Variants in SEMA3D observed in about 807,000 individuals in gnomAD.
SEMA3D encodes semaphorin-3D.
Under a neutral mutation model 100.1 loss-of-function variants are expected in SEMA3D, and 84 were observed. The ratio of observed to expected loss-of-function variants is 0.84; its 90% CI spans 0.70 to 1.01. The LOEUF (loss-of-function observed/expected upper bound fraction) is 1.01, where lower values mean the gene tolerates loss of function less well. Among genes scored for constraint, SEMA3D ranks in the 50% least tolerant of loss-of-function variants. The pLI is 0.00. For synonymous variants in SEMA3D, 312 were observed against 320.7 expected, an observed-to-expected ratio of 0.97 and a Z score of 0.29; for missense variants, 875 against 934.1, an observed-to-expected ratio of 0.94 and a Z score of 0.82.
chr7:85,139,750 T>A (rs1016064523), intron 2 of SEMA3D, among the ~76,000 whole-genome samples: 1 of 152,046 alleles, frequency 6.6e-6, no homozygotes, highest in Non-Finnish European at 1.5e-5. Context: ...TTCAGAGATA[T>A]TGAAGTGAGA....
intron 4 of SEMA3D, among the ~76,000 whole-genome samples, chr7:85,091,783 T>G (rs1472716483): frequency 6.6e-6 from 1 of 152,094 alleles, no homozygotes; most frequent in Non-Finnish European, 1.5e-5. Context: ...ATGCATCACT[T>G]GTAAATGAAT....
intron 3 of SEMA3D, among the ~76,000 whole-genome samples, chr7:85,114,642 T>G (rs1195872666): frequency 6.6e-6 from 1 of 152,116 alleles, no homozygotes; most frequent in African/African-American, 2.4e-5. Flanking sequence ...GCCTTTGACA[T>G]GCAGACAACC....
At chr7:85,077,315 A>C (rs1380868453) in intron 5 of SEMA3D, among the ~76,000 whole-genome samples, 1 of 152,040 alleles carries the variant, frequency 6.6e-6, no homozygotes, top group African/African-American at 2.4e-5. Context: ...AAGTGTATAC[A>C]TCAAATAAGG....
At chr7:85,153,379 A>G (rs867421027) in intron 2 of SEMA3D, among the ~76,000 whole-genome samples, 1 of 152,170 alleles carries the variant, frequency 6.6e-6, no homozygotes, top group Non-Finnish European at 1.5e-5. Flanking sequence ...TCTTGGAGTG[A>G]TCATGTCTAG....
chr7:85,089,795 G>C (rs566794385), intron 4 of SEMA3D, among the ~76,000 whole-genome samples: 1 of 152,114 alleles, frequency 6.6e-6, no homozygotes. Flanking sequence ...GGAGGCTGAG[G>C]TGAGAGGATT....
intron 1 of SEMA3D, among the ~76,000 whole-genome samples, chr7:85,181,307 A>C (rs1038714283): frequency 4.3e-5 from 6 of 141,170 alleles, no homozygotes; most frequent in Non-Finnish European, 6.0e-5. Flanking sequence ...CAAAGAATAA[A>C]GACATGCTCA....
upstream of SEMA3D, among the ~76,000 whole-genome samples, chr7:85,188,565 G>A (rs186655769): frequency 6.6e-6 from 1 of 152,146 alleles, no homozygotes; most frequent in East Asian, 1.9e-4. Flanking sequence ...ATGTCATTGT[G>A]CAAATAAAAT....
At chr7:85,072,543 G>T (rs1246977209) in intron 6 of SEMA3D, among the ~76,000 whole-genome samples, 1 of 152,080 alleles carries the variant, frequency 6.6e-6, no homozygotes, top group Non-Finnish European at 1.5e-5. Context: ...GGAGCCCATA[G>T]AAAACAAACA....
the SEMA3D span, among the ~76,000 whole-genome samples, chr7:85,218,529 A>G: frequency 6.6e-6 from 1 of 152,106 alleles, no homozygotes; most frequent in Non-Finnish European, 1.5e-5. Flanking sequence ...TTGACTTTAC[A>G]TTACAATGTG....
chr7:85,070,024 A>G (rs1403248953), intron 6 of SEMA3D, among the ~76,000 whole-genome samples: 1 of 152,198 alleles, frequency 6.6e-6, no homozygotes, highest in Non-Finnish European at 1.5e-5. Context: ...TTCTCATTTT[A>G]TTCTCAAAAT....
At chr7:85,221,032 T>C in the SEMA3D span, among the ~76,000 whole-genome samples, 1 of 152,056 alleles carries the variant, frequency 6.6e-6, no homozygotes, top group Non-Finnish European at 1.5e-5. Flanking sequence ...CAAAGGACCT[T>C]GGCCTCAGAT....
intron 2 of SEMA3D, among the ~76,000 whole-genome samples, chr7:85,129,653 T>A (rs1031890100): frequency 6.6e-6 from 1 of 152,168 alleles, no homozygotes; most frequent in Admixed American, 6.6e-5. Flanking sequence ...TTATACCTAC[T>A]TAGTTTAGAA....
chr7:85,028,630 G>A (rs555660996), intron 12 of SEMA3D: 10 of 210,622 alleles, frequency 4.7e-5, no homozygotes, highest in Admixed American at 1.7e-4. Flanking sequence ...TATACTGCTT[G>A]TGAACTTGCT....
intron 2 of SEMA3D, among the ~76,000 whole-genome samples, chr7:85,146,552 T>TAA (rs61168539): frequency 8.1e-5 from 12 of 148,520 alleles, no homozygotes; most frequent in Middle Eastern, 3.4e-3. Flanking sequence ...AGACTCCATC[T>TAA]AAAAAAAAAT....
At chr7:85,128,141 T>G (rs1375719155) in intron 2 of SEMA3D, among the ~76,000 whole-genome samples, 1 of 151,602 alleles carries the variant, frequency 6.6e-6, no homozygotes, top group Non-Finnish European at 1.5e-5. Flanking sequence ...AACTATGTTT[T>G]TATTTATTTT....
chr7:85,212,519 A>G, the SEMA3D span, among the ~76,000 whole-genome samples: 6 of 150,944 alleles, frequency 4.0e-5, no homozygotes, highest in Non-Finnish European at 1.5e-5. Context: ...TCTTCCACTT[A>G]TCAACTTTGA....
At position 84,995,827 on chromosome 7, in the gene SEMA3D, T is replaced by TAA. The variant is rs1789483917; in HGVS notation, c.*3611_*3612dup. On this transcript the variant is annotated 3_prime_UTR_variant, in exon 19 of 19. Coordinates refer to ENST00000284136, the MANE Select transcript of SEMA3D (RefSeq NM_001384900.1). Reference sequence around the variant, plus strand: ...CTATAAAATATTTAAATGAGAGGTATAAGTCATGTGTATGATCCTGTCTTT... The same window carrying TAA: ...CTATAAAATATTTAAATGAGAGGTATAAAAGTCATGTGTATGATCCTGTCTTT... 1 of 152,018 alleles carries TAA rather than the reference T, an allele frequency of 6.6e-6. No individual in the cohort carries two copies. The highest frequency in any genetic ancestry group is 2.4e-5 in the African/African-American group (1 of 41,426). 9.4% of individuals were successfully genotyped at this position (152,018 alleles called of 1,614,324 possible). A position where few individuals can be genotyped will look rare whatever the true frequency, so the allele number is the denominator to read the frequency against.
chr7:85,185,509 C>T (rs1791514273), intron 1 of SEMA3D, among the ~76,000 whole-genome samples: 1 of 152,180 alleles, frequency 6.6e-6, no homozygotes, highest in African/African-American at 2.4e-5. Flanking sequence ...CGCACAGAAG[C>T]TTGCCTTTTA....
chr7:85,246,095 G>A, the SEMA3D span, among the ~76,000 whole-genome samples: 17 of 152,068 alleles, frequency 1.1e-4, 1 homozygote, highest in African/African-American at 3.9e-4. Flanking sequence ...ATTTAATGTC[G>A]ACATGTATTT....
Sources: allele counts gnomAD v4.1 joint callset (sites outside exome capture counted in the v4.1 genomes callset), GRCh38; gene constraint gnomAD v4.1.1; transcripts MANE v1.5; gene names NCBI Gene and HGNC (gene_info 2026-07-23, HGNC 2026-07-21).